APBA1: variants seen among roughly 807,000 people sequenced by gnomAD.
The protein encoded by APBA1 is amyloid-beta A4 precursor protein-binding family A member 1.
Under a neutral mutation model 86.6 loss-of-function variants are expected in APBA1, and 55 were observed. That is an observed-to-expected ratio of 0.64 (90% CI 0.51 to 0.80). The LOEUF (loss-of-function observed/expected upper bound fraction) is 0.80, where lower values mean the gene tolerates loss of function less well. Ranked by LOEUF, APBA1 falls within the 30% of genes least tolerant of loss-of-function variation. The pLI is 0.00. For synonymous variants in APBA1, 511 were observed against 493.9 expected (o/e 1.03, Z -0.46); for missense variants, 1,090 against 1,183.0 (o/e 0.92, Z 1.15).
rs1888213 is a variant in APBA1, at chr9:69,590,144, A to G, written c.-69-72865T>C. ...TATCCCTGTGCTCATTCCTCTCTTC[A>G]TTTTTTAAAAATAACAAGATGTACT... On this transcript the variant is annotated intron_variant, in intron 1 of 12. Coordinates refer to ENST00000265381, the MANE Select transcript of APBA1 (RefSeq NM_001163.4). Among the ~76,000 whole-genome samples, 202 of 152,066 alleles carry G rather than the reference A, an allele frequency of 1.3e-3. 1 individual carries two copies. Among genetic ancestry groups the G allele is most frequent in the Admixed American group, 0.011 (163 of 15,288 alleles).
chr9:69,513,233 G>T lies in APBA1; in HGVS notation c.1200+2778C>A, dbSNP rs549479053. Reference sequence around the variant, plus strand: ...CTATAATTAATTTCACCTTTTGAATGAAACAGCATGCAAGAGAATTAAGTT... The same window carrying T: ...CTATAATTAATTTCACCTTTTGAATTAAACAGCATGCAAGAGAATTAAGTT... On this transcript the variant is annotated intron_variant, in intron 2 of 12. Transcript: ENST00000265381. 9.8e-5 allele frequency among the ~76,000 whole-genome samples: 15 copies of T among 152,342 alleles called. No individual in the cohort carries two copies. In the East Asian group the frequency reaches 1.9e-3, roughly 20 times the overall value.
In APBA1 at chr9:69,558,561, C is replaced by CATAT. The variant is rs371494520; in HGVS notation, c.-69-41286_-69-41283dup. Among the ~76,000 whole-genome samples the CATAT allele has an allele frequency of 4.1e-3, 589 of 142,846 alleles. 4 individuals carry two copies. Among genetic ancestry groups the CATAT allele is most frequent in the African/African-American group, 0.014 (505 of 35,898 alleles). The allele number at this position is 142,846 out of a possible 152,430, so 93.7% of individuals were successfully genotyped here. A position where few individuals can be genotyped will look rare whatever the true frequency, so the allele number is the denominator to read the frequency against. ...ACACACACATACACACACACACACA[C>CATAT]ATATATATATATATATATATACACA... On this transcript the variant is annotated intron_variant, in intron 1 of 12. Transcript: ENST00000265381.
chr9:69,577,702 C>G (rs1018941005), intron 1 of APBA1, among the ~76,000 whole-genome samples: 7 of 152,106 alleles, frequency 4.6e-5, no homozygotes, highest in Non-Finnish European at 8.8e-5. Flanking sequence ...TGGAATATGA[C>G]AATGAAAAAT....
intron 1 of APBA1, among the ~76,000 whole-genome samples, chr9:69,545,749 T>C (rs1836687894): frequency 6.6e-6 from 1 of 152,230 alleles, no homozygotes; most frequent in Non-Finnish European, 1.5e-5. Context: ...CACGCATTCA[T>C]GATGATGATT....
chr9:69,643,495 C>A (rs1030433074), intron 1 of APBA1, among the ~76,000 whole-genome samples: 1 of 152,198 alleles, frequency 6.6e-6, no homozygotes, highest in Non-Finnish European at 1.5e-5. Flanking sequence ...TGGCACATCT[C>A]TCCTCCTCAT....
At chr9:69,468,420 A>G (rs899803193) in intron 4 of APBA1, among the ~76,000 whole-genome samples, 17 of 105,700 alleles carry the variant, frequency 1.6e-4, no homozygotes, top group Admixed American at 1.5e-3. Flanking sequence ...AGCAATTCCT[A>G]TTACTTGCCC....
chr9:69,434,521 G>A (rs922968531), intron 11 of APBA1, among the ~76,000 whole-genome samples: 1 of 152,070 alleles, frequency 6.6e-6, no homozygotes, highest in Admixed American at 6.5e-5. Flanking sequence ...GGCCTGGCCA[G>A]TATGGTGAAA....
intron 1 of APBA1, among the ~76,000 whole-genome samples, chr9:69,591,802 G>T (rs1421578166): frequency 6.6e-6 from 1 of 152,220 alleles, no homozygotes; most frequent in South Asian, 2.1e-4. Context: ...AGAGAGAAAT[G>T]CTTTTGAACC....
chr9:69,495,809 T>C (rs1835785197), intron 2 of APBA1, among the ~76,000 whole-genome samples: 1 of 151,990 alleles, frequency 6.6e-6, no homozygotes, highest in Admixed American at 6.6e-5. Context: ...GAAAAGAGGC[T>C]CTCTCAGGAC....
At chr9:69,443,184 C>T (rs117707475) in intron 10 of APBA1, among the ~76,000 whole-genome samples, 2,634 of 152,318 alleles carry the variant, frequency 0.017, 33 homozygotes, top group Non-Finnish European at 0.025. Context: ...ATTCTGGGCT[C>T]TACCCAAGCC....
intron 1 of APBA1, among the ~76,000 whole-genome samples, chr9:69,575,554 A>G (rs986520081): frequency 6.6e-6 from 1 of 152,196 alleles, no homozygotes; most frequent in Admixed American, 6.5e-5. Flanking sequence ...ATAATGCCGC[A>G]TATCTACAAC....
chr9:69,573,772 G>T (rs940037259), intron 1 of APBA1, among the ~76,000 whole-genome samples: 1 of 152,206 alleles, frequency 6.6e-6, no homozygotes, highest in Admixed American at 6.5e-5. Context: ...TCTTGGAGGG[G>T]CCTCTGCTGG....
At chr9:69,606,479 C>CT (rs35083481) in intron 1 of APBA1, among the ~76,000 whole-genome samples, 17,958 of 50,894 alleles carry the variant, frequency 0.35, 7,412 homozygotes, top group East Asian at 0.53. Context: ...AGGGAGCTAG[C>CT]TTTTTTTTTT....
intron 1 of APBA1, among the ~76,000 whole-genome samples, chr9:69,600,099 G>A (rs917377224): frequency 1.3e-5 from 2 of 152,118 alleles, no homozygotes; most frequent in Admixed American, 6.5e-5. Flanking sequence ...TGCCTCCCTG[G>A]TAATGACCAG....
chr9:69,441,173 A>C, intron 10 of APBA1, 58 bp from the exon 11 acceptor site: 1 of 1,564,932 alleles, frequency 6.4e-7, no homozygotes, highest in Non-Finnish European at 8.7e-7. Flanking sequence ...CAGAATAAAC[A>C]AAAGCAGGCA....
At chr9:69,594,519 G>A (rs1822192441) in intron 1 of APBA1, among the ~76,000 whole-genome samples, 1 of 152,162 alleles carries the variant, frequency 6.6e-6, no homozygotes, top group Non-Finnish European at 1.5e-5. Flanking sequence ...GAATCAGGGA[G>A]TGAGGGAAAG....
At chr9:69,517,309 A>G in intron 1 of APBA1, 30 bp from the exon 2 acceptor site, 1 of 1,397,500 alleles carries the variant, frequency 7.2e-7, no homozygotes, top group Non-Finnish European at 9.2e-7. Flanking sequence ...AGAGGCTGTC[A>G]CGTGGTGCAA....
intron 5 of APBA1, chr9:69,461,989 A>T (rs1381321189): frequency 6.6e-6 from 1 of 152,250 alleles, no homozygotes; most frequent in Non-Finnish European, 1.5e-5. Context: ...CTACAATGAA[A>T]TCATAATTTT....
intron 1 of APBA1, among the ~76,000 whole-genome samples, chr9:69,594,666 C>G (rs1157489226): frequency 6.6e-6 from 1 of 152,040 alleles, no homozygotes; most frequent in Non-Finnish European, 1.5e-5. Flanking sequence ...ATTGAGGATT[C>G]TTGGTGAGAA....
Sources: gnomAD v4.1 joint callset for allele counts (sites outside exome capture counted in the v4.1 genomes callset) on GRCh38, gnomAD v4.1.1 for gene constraint, MANE v1.5 for transcripts, NCBI Gene and HGNC (gene_info 2026-07-23, HGNC 2026-07-21) for gene names.